Variants in SLC8A1 observed in about 807,000 individuals in gnomAD.
SLC8A1 encodes sodium/calcium exchanger 1.
In SLC8A1, 18 loss-of-function variants were observed where a neutral mutation model predicts 68.3. That is an observed-to-expected ratio of 0.26 (90% CI 0.18 to 0.39). The LOEUF (loss-of-function observed/expected upper bound fraction) is 0.39. Ranked by LOEUF, SLC8A1 falls within the 10% of genes least tolerant of loss-of-function variation. SLC8A1 has a pLI of 1.00. For missense variants in SLC8A1, 985 were observed against 1,156.7 expected (o/e 0.85, Z 2.15); for synonymous variants, 475 against 415.5 (o/e 1.14, Z -1.74).
intron 2 of SLC8A1, among the ~76,000 whole-genome samples, chr2:40,243,939 G>GTTT (rs1299104061): frequency 6.6e-6 from 1 of 152,178 alleles, no homozygotes; most frequent in Non-Finnish European, 1.5e-5. Flanking sequence ...CAACGTAAGA[G>GTTT]GAAAAGTGGG....
chr2:40,252,650 G>C (rs2062953409), intron 2 of SLC8A1, among the ~76,000 whole-genome samples: 1 of 151,962 alleles, frequency 6.6e-6, no homozygotes, highest in Admixed American at 6.6e-5. Flanking sequence ...CCAAGATAGT[G>C]CATTTTTAAA....
chr2:40,247,434 ATG>A lies in SLC8A1; in HGVS notation c.1809-69581_1809-69580del, dbSNP rs3059492. Reference sequence around the variant, plus strand: ...AGCAACTTTAGAAAACAGCATATATATGTGTGTGTGTGTGTGTGTGTGGAGAG... The same window carrying A: ...AGCAACTTTAGAAAACAGCATATATATGTGTGTGTGTGTGTGTGTGGAGAG... On this transcript the variant is annotated intron_variant, in intron 2 of 7. Coordinates refer to ENST00000406785, the Ensembl canonical transcript of SLC8A1. 8.1e-3 allele frequency among the ~76,000 whole-genome samples: 1,220 copies of A among 150,714 alleles called. 13 individuals carry two copies. The highest frequency in any genetic ancestry group is 0.021 in the Middle Eastern group (6 of 292).
At chr2:40,139,038 AG>A (rs2041067438) in intron 7 of SLC8A1, among the ~76,000 whole-genome samples, 1 of 152,224 alleles carries the variant, frequency 6.6e-6, no homozygotes, top group African/African-American at 2.4e-5. Flanking sequence ...AGTATATAAA[AG>A]ACAGAAATTT....
chr2:40,163,581 G>A (rs1306491797), intron 5 of SLC8A1, among the ~76,000 whole-genome samples: 3 of 152,182 alleles, frequency 2.0e-5, no homozygotes, highest in African/African-American at 7.2e-5. Flanking sequence ...GGGAACTTGT[G>A]CACATTCCAG....
At chr2:40,123,421 G>A (rs1208703106) in intron 7 of SLC8A1, 2 of 152,196 alleles carry the variant, frequency 1.3e-5, no homozygotes, top group African/African-American at 4.8e-5. Context: ...TACCATTAAT[G>A]GAGATAATTC....
chr2:40,299,124 G>A (rs1224765696), intron 2 of SLC8A1, among the ~76,000 whole-genome samples: 1 of 152,134 alleles, frequency 6.6e-6, no homozygotes, highest in African/African-American at 2.4e-5. Context: ...ATTTGAGGTT[G>A]GCAAGTGTCG....
intron 2 of SLC8A1, among the ~76,000 whole-genome samples, chr2:40,192,964 C>T (rs957263693): frequency 1.3e-5 from 2 of 152,096 alleles, no homozygotes; most frequent in African/African-American, 4.8e-5. Context: ...CAGTAACCAT[C>T]CGCCACGGGA....
At chr2:40,204,237 C>T (rs568410269) in intron 2 of SLC8A1, among the ~76,000 whole-genome samples, 4 of 152,124 alleles carry the variant, frequency 2.6e-5, no homozygotes, top group African/African-American at 7.2e-5. Flanking sequence ...TAGACTGCTA[C>T]TTACTTTAAA....
intron 2 of SLC8A1, among the ~76,000 whole-genome samples, chr2:40,204,820 T>C (rs1363497698): frequency 1.3e-5 from 2 of 152,052 alleles, no homozygotes; most frequent in African/African-American, 4.8e-5. Context: ...CTTTTTTTCA[T>C]ACTAAATCTT....
At chr2:40,511,315 C>A (rs959243257) in intron 1 of SLC8A1, among the ~76,000 whole-genome samples, 2 of 152,174 alleles carry the variant, frequency 1.3e-5, no homozygotes, top group East Asian at 3.9e-4. Context: ...GCAAAACATG[C>A]ATATTTTAAA....
intron 1 of SLC8A1, among the ~76,000 whole-genome samples, chr2:40,486,384 C>G (rs187157169): frequency 6.6e-6 from 1 of 152,310 alleles, no homozygotes; most frequent in East Asian, 1.9e-4. Flanking sequence ...CTGATATCCT[C>G]TGCTTCAGTA....
intron 2 of SLC8A1, among the ~76,000 whole-genome samples, chr2:40,287,470 T>G (rs542436815): frequency 9.9e-5 from 15 of 152,214 alleles, no homozygotes; most frequent in Middle Eastern, 3.4e-3. Context: ...CTCATGATGT[T>G]CTATTGTTCC....
At chr2:40,277,203 A>T (rs1035183273) in intron 2 of SLC8A1, among the ~76,000 whole-genome samples, 1 of 151,906 alleles carries the variant, frequency 6.6e-6, no homozygotes, top group African/African-American at 2.4e-5. Context: ...TGTCACTCTG[A>T]CAAGTTACTT....
At chr2:40,327,338 A>T (rs1348784096) in intron 2 of SLC8A1, among the ~76,000 whole-genome samples, 3 of 152,218 alleles carry the variant, frequency 2.0e-5, no homozygotes, top group African/African-American at 7.2e-5. Flanking sequence ...TCTGTGAAGT[A>T]TGTTTGTGCA....
Position 40,427,148 on chromosome 2 carries a change from T to G in SLC8A1, c.1808+1325A>C, listed in dbSNP as rs1343054275. On this transcript the variant is annotated intron_variant, in intron 2 of 7. Transcript: ENST00000406785. ...TGGATATTATAATCCCTGCTTTGCT[T>G]GATTTCATTGTGATATTGTACTCGA... Among the ~76,000 whole-genome samples, 8 of 152,048 alleles carry G rather than the reference T, an allele frequency of 5.3e-5. No individual in the cohort carries two copies. In the East Asian group the frequency reaches 9.6e-4, roughly 18 times the overall value.
rs572165904 is a variant in SLC8A1, at chr2:40,478,639, A to G, written c.-25+33710T>C. Among the ~76,000 whole-genome samples the G allele has an allele frequency of 9.9e-5, 15 of 152,278 alleles. No individual in the cohort carries two copies. In the South Asian group the frequency reaches 2.5e-3, roughly 25 times the overall value. Reference sequence around the variant, plus strand: ...TTTCTCTCTCCCTTCTGAAAAATCAATATCTGATGAGTTCCAAAATCTCTC... The same window carrying G: ...TTTCTCTCTCCCTTCTGAAAAATCAGTATCTGATGAGTTCCAAAATCTCTC... On this transcript the variant is annotated intron_variant, in intron 1 of 7. Transcript: ENST00000402441.
intron 5 of SLC8A1, 80 bp downstream of exon 8, chr2:40,164,774 C>T: frequency 6.4e-7 from 1 of 1,558,080 alleles, no homozygotes; most frequent in Non-Finnish European, 8.7e-7. Flanking sequence ...CCAGGTGGAT[C>T]TTAAGCTTTG....
chr2:40,402,436 G>A (rs1559536130), intron 2 of SLC8A1, among the ~76,000 whole-genome samples: 1 of 152,200 alleles, frequency 6.6e-6, no homozygotes, highest in Non-Finnish European at 1.5e-5. Flanking sequence ...GCTCTGAGTA[G>A]AGAGTAGCCA....
At chr2:40,166,267 C>G (rs2046540064) in intron 4 of SLC8A1, among the ~76,000 whole-genome samples, 1 of 152,054 alleles carries the variant, frequency 6.6e-6, no homozygotes, top group Non-Finnish European at 1.5e-5. Context: ...CCTAGGCTAG[C>G]TGCTCGTTGT....
Sources: allele counts gnomAD v4.1 joint callset (sites outside exome capture counted in the v4.1 genomes callset), GRCh38; gene constraint gnomAD v4.1.1; transcripts MANE v1.5; gene names NCBI Gene and HGNC (gene_info 2026-07-23, HGNC 2026-07-21).